SLC25A42: variants seen among roughly 807,000 people sequenced by gnomAD.
SLC25A42 encodes solute carrier family 25 member 42.
A neutral mutation model predicts 34.7 loss-of-function variants in SLC25A42; 19 were observed. The ratio of observed to expected loss-of-function variants is 0.55; its 90% CI spans 0.38 to 0.80. The LOEUF (loss-of-function observed/expected upper bound fraction) is 0.80. SLC25A42 is among the 30% of genes least tolerant of loss of function. The pLI, the probability that SLC25A42 is intolerant of heterozygous loss-of-function variation, is 0.00. For synonymous variants in SLC25A42, 205 were observed against 191.2 expected, an observed-to-expected ratio of 1.07 and a Z score of -0.59; for missense variants, 364 against 441.3, an observed-to-expected ratio of 0.82 and a Z score of 1.57.
At chr19:19,085,726 C>A (rs2059704886) in intron 1 of SLC25A42, among the ~76,000 whole-genome samples, 1 of 152,198 alleles carries the variant, frequency 6.6e-6, no homozygotes, top group Admixed American at 6.5e-5. Context: ...TTCTCACCCC[C>A]ACATGCAGAG....
chr19:19,068,733 G>C (rs969233522), intron 1 of SLC25A42, among the ~76,000 whole-genome samples: 2 of 151,664 alleles, frequency 1.3e-5, no homozygotes, highest in East Asian at 3.9e-4. Flanking sequence ...AGCTACTCGG[G>C]AGACTGAGGC....
chr19:19,078,255 G>A (rs1293275399), intron 1 of SLC25A42, among the ~76,000 whole-genome samples: 2 of 152,162 alleles, frequency 1.3e-5, no homozygotes, highest in East Asian at 3.9e-4. Context: ...ATTGGGCGGT[G>A]GGGGTACTTT....
At chr19:19,102,011 G>GT in intron 3 of SLC25A42, 125 bp downstream of exon 3, 9 of 657,926 alleles carry the variant, frequency 1.4e-5, no homozygotes, top group East Asian at 6.2e-5. Flanking sequence ...AAGGTTTTTT[G>GT]TTGTTTTTTT....
chr19:19,088,608 G>GC (rs1390407349), intron 1 of SLC25A42, among the ~76,000 whole-genome samples: 4 of 151,902 alleles, frequency 2.6e-5, no homozygotes, highest in Admixed American at 2.0e-4. Context: ...TCCTGCCTCA[G>GC]CCTCCTCAGT....
In SLC25A42 at chr19:19,099,823, G is replaced by C. The variant is rs138793990; in HGVS notation, c.82-1958G>C. Among the ~76,000 whole-genome samples the C allele has an allele frequency of 2.9e-3, 441 of 152,084 alleles. 3 individuals are homozygous for C. Among genetic ancestry groups the C allele is most frequent in the South Asian group, 8.3e-3 (40 of 4,812 alleles). ...GCTCACTGCAACCTTGGTATCCTGG[G>C]TTCAAGCGATTCTTCTGCCTCAGTT... is the stretch of plus-strand genomic sequence containing the variant. On this transcript the variant is annotated intron_variant, in intron 2 of 7. Transcript: ENST00000318596.
At chr19:19,091,066 CT>C (rs771596206) in intron 1 of SLC25A42, among the ~76,000 whole-genome samples, 48 of 152,216 alleles carry the variant, frequency 3.2e-4, no homozygotes, top group Non-Finnish European at 1.3e-4. Flanking sequence ...CCCGTTTCTG[CT>C]GAAATCCTCA....
intron 1 of SLC25A42, among the ~76,000 whole-genome samples, chr19:19,092,785 CAAG>C (rs2059744626): frequency 6.6e-6 from 1 of 152,210 alleles, no homozygotes. Context: ...TTCTAGGAAT[CAAG>C]GAGTAGAGAG....
intron 1 of SLC25A42, among the ~76,000 whole-genome samples, chr19:19,071,146 A>G (rs940744533): frequency 7.2e-5 from 11 of 152,114 alleles, no homozygotes; most frequent in African/African-American, 2.7e-4. Flanking sequence ...AGCTGGGACT[A>G]TAGGCATGCA....
intron 1 of SLC25A42, among the ~76,000 whole-genome samples, chr19:19,092,102 C>T (rs936376234): frequency 2.2e-4 from 33 of 152,312 alleles, no homozygotes; most frequent in Middle Eastern, 3.4e-3. Context: ...CCACCGTGCT[C>T]CAGGCCTCAT....
chr19:19,073,479 G>T (rs1339045774), intron 1 of SLC25A42, among the ~76,000 whole-genome samples: 1 of 152,300 alleles, frequency 6.6e-6, no homozygotes. Context: ...GCAAAACTTG[G>T]CATGTCCAGG....
At chr19:19,091,664 C>T (rs548529558) in intron 1 of SLC25A42, among the ~76,000 whole-genome samples, 458 of 151,950 alleles carry the variant, frequency 3.0e-3, no homozygotes, top group Non-Finnish European at 3.8e-3. Context: ...ACCACTTGAG[C>T]CCAGGAGTTC....
At position 19,109,555 on chromosome 19, in the gene SLC25A42, C is replaced by T. The variant is rs1332917775; in HGVS notation, c.650-1014C>T. On this transcript the variant is annotated intron_variant, in intron 7 of 7. Coordinates refer to ENST00000318596, the MANE Select transcript of SLC25A42 (RefSeq NM_178526.5). The surrounding 1 kb of genome is among the most constrained non-coding windows in gnomAD (Gnocchi z 4.1). ...AAGCCATTCTCCTGCCTCAGCCTCCCTAGTAGCTGGGATTACAGGCGCCCA... is the reference window on the plus strand; with the variant it reads ...AAGCCATTCTCCTGCCTCAGCCTCCTTAGTAGCTGGGATTACAGGCGCCCA... Among the ~76,000 whole-genome samples the T allele has an allele frequency of 1.3e-5, 2 of 152,072 alleles. No homozygotes were observed.
chr19:19,073,124 T>C (rs555412299), intron 1 of SLC25A42, among the ~76,000 whole-genome samples: 2 of 152,296 alleles, frequency 1.3e-5, no homozygotes, highest in East Asian at 3.9e-4. Context: ...AAGAGAATGA[T>C]TGAAGTGGTG....
rs748300386 is a variant in SLC25A42 at position 19,096,101 on chromosome 19, C to T, written c.-24C>T. The T allele has an allele frequency of 6.2e-7, 1 of 1,610,712 alleles. No individual in the cohort carries two copies. Among genetic ancestry groups the T allele is most frequent in the Non-Finnish European group, 8.5e-7 (1 of 1,177,154 alleles). ...CCCTTACCCCCCCAGGACCGAGTCT[C>T]CTGCCATTCCGAGCAGGCCTGGTAT... On this transcript the variant is annotated 5_prime_UTR_variant, in exon 2 of 8. Coordinates refer to ENST00000318596, the MANE Select transcript of SLC25A42 (RefSeq NM_178526.5).
At chr19:19,079,860 C>A (rs1219717885) in intron 1 of SLC25A42, among the ~76,000 whole-genome samples, 1 of 152,170 alleles carries the variant, frequency 6.6e-6, no homozygotes, top group African/African-American at 2.4e-5. Context: ...TGTGAGCCAC[C>A]ATGACCAACC....
rs2059842966 is a variant in SLC25A42 at position 19,108,063 on chromosome 19, C to A, written c.649+18C>A. The A allele has an allele frequency of 6.5e-7, 1 of 1,537,712 alleles. No homozygotes were observed. The highest frequency in any genetic ancestry group is 1.4e-5 in the African/African-American group (1 of 72,118). On this transcript the variant is annotated intron_variant, in intron 7 of 7. Transcript: ENST00000318596. ...GCACAGAGGTAAGGAGAGCTGGGAG[C>A]ATGAGGAGGGGACGTTCAGGAAGCA... is the stretch of plus-strand genomic sequence containing the variant.
intron 1 of SLC25A42, among the ~76,000 whole-genome samples, chr19:19,093,415 T>C (rs2059748457): frequency 6.6e-6 from 1 of 152,244 alleles, no homozygotes; most frequent in Non-Finnish European, 1.5e-5. Context: ...CTCACAGTGC[T>C]GTGCTGCATT....
chr19:19,105,698 C>A lies in SLC25A42; in HGVS notation c.351C>A (p.Ile117=). 1.2e-6 allele frequency: 2 copies of A among 1,603,698 alleles called. No individual in the cohort carries two copies. Among genetic ancestry groups the A allele is most frequent in the Non-Finnish European group, 1.7e-6 (2 of 1,174,082 alleles). ...GCGCACACGAGGAGTACAAGCGCAT[C>A]CTGGGCAGCTACTATGGCTTCCGTG... ...QFSAHEEYKR[I]LGSYYGFRGE... The change falls in exon 5 of 8, where the codon ATC becomes ATA. Residue 117 remains isoleucine, a synonymous_variant. Coordinates refer to ENST00000318596, the MANE Select transcript of SLC25A42 (RefSeq NM_178526.5).
intron 1 of SLC25A42, among the ~76,000 whole-genome samples, chr19:19,077,096 A>T (rs960461451): frequency 1.3e-5 from 2 of 152,292 alleles, no homozygotes; most frequent in South Asian, 2.1e-4. Flanking sequence ...AGGTAGGAGG[A>T]TCATTTGAGC....
Sources: gnomAD v4.1 joint callset for allele counts (sites outside exome capture counted in the v4.1 genomes callset) on GRCh38, gnomAD v4.1.1 for gene constraint, Gnocchi (gnomAD v3.1) non-coding constraint, MANE v1.5 for transcripts, NCBI Gene and HGNC (gene_info 2026-07-23, HGNC 2026-07-21) for gene names.